The following DBN1 variants were observed in gnomAD, a reference collection of about 807,000 sequenced individuals.
DBN1 encodes the protein drebrin.
DBN1 carries 21 observed loss-of-function variants against 83.5 expected under a neutral mutation model. The ratio of observed to expected loss-of-function variants is 0.25; its 90% CI spans 0.18 to 0.36. The LOEUF is 0.36. Among genes scored for constraint, DBN1 ranks in the 10% least tolerant of loss-of-function variants. The pLI is 1.00. For missense variants in DBN1, 874 were observed against 935.7 expected, an observed-to-expected ratio of 0.93 and a Z score of 0.86; for synonymous variants, 381 against 384.9, an observed-to-expected ratio of 0.99 and a Z score of 0.12.
chr5:177,457,754 TG>T lies in DBN1; in HGVS notation c.1917del (p.Ser640ValfsTer111). The T allele has an allele frequency of 6.2e-7, 1 of 1,602,122 alleles. No homozygotes were observed. Among genetic ancestry groups the T allele is most frequent in the Non-Finnish European group, 8.5e-7 (1 of 1,169,608 alleles). Reference protein sequence around the residue: ...GETTQKEGTQASEGYFSQSQE... With the variant: ...GETTQKEGTQXSEGYFSQSQE... ...TGTGATTGACTGAAGTACCCCTCACTGGCCTGCAGGGGAAAGCATCAGGTCA... is the reference window on the plus strand; with the variant it reads ...TGTGATTGACTGAAGTACCCCTCACTGCCTGCAGGGGAAAGCATCAGGTCA... On this transcript the variant is annotated frameshift_variant and splice_region_variant, in exon 14 of 15. Coordinates refer to ENST00000393565, the MANE Select transcript of DBN1 (RefSeq NM_001363541.2). LOFTEE classifies it high-confidence loss of function.
intron 10 of DBN1, 40 bp downstream of exon 10, chr5:177,460,392 T>G: frequency 6.2e-7 from 1 of 1,612,056 alleles, no homozygotes; most frequent in Non-Finnish European, 8.5e-7. Context: ...GGCCGCAACC[T>G]GAGGAGTGGG....
At chr5:177,457,573 G>T in intron 14 of DBN1, 70 bp from the exon 15 acceptor site, 1 of 1,541,352 alleles carries the variant, frequency 6.5e-7, no homozygotes, top group Non-Finnish European at 9.0e-7. Flanking sequence ...TCTGTGAGCG[G>T]TGGGTAGTGG....
intron 8 of DBN1, among the ~76,000 whole-genome samples, chr5:177,464,150 T>A (rs1000782888): frequency 6.6e-6 from 1 of 150,866 alleles, no homozygotes; most frequent in Non-Finnish European, 1.5e-5. Context: ...AATAAATAAA[T>A]AAATAAACTT....
intron 8 of DBN1, among the ~76,000 whole-genome samples, chr5:177,461,094 CTTTTTTTTTTTT>C (rs1212164434): frequency 1.1e-5 from 1 of 90,692 alleles, no homozygotes; most frequent in African/African-American, 4.5e-5. Context: ...TTCTGGCCTT[CTTTTTTTTTTTT>C]TTTTTTTTTT....
chr5:177,457,949 G>T, intron 13 of DBN1, 109 bp downstream of exon 13: 1 of 1,495,342 alleles, frequency 6.7e-7, no homozygotes, highest in Non-Finnish European at 9.3e-7. Flanking sequence ...CTCAAATAAT[G>T]TGGGTCACAG....
intron 11 of DBN1, 86 bp downstream of exon 11, chr5:177,459,517 G>A: frequency 7.2e-7 from 1 of 1,383,840 alleles, no homozygotes; most frequent in South Asian, 1.5e-5. Context: ...GAGATCAGCG[G>A]TCAGACTGGG....
rs945009320 is a variant in DBN1 at position 177,467,486 on chromosome 5, G to C, written c.472C>G (p.Pro158Ala). ...LRLREDENAEPVGTTYQKTDA... is the reference protein window; with the variant it reads ...LRLREDENAEAVGTTYQKTDA... ...GGTGCCAAACACACACTAACCACGG[G>C]CTCTGCGTTCTCATCCTCTCGCAGC... The change falls in exon 5 of 15, where the codon CCC (proline) becomes GCC (alanine). Residue 158 changes from proline to alanine, a missense_variant. Coordinates refer to ENST00000393565, the MANE Select transcript of DBN1 (RefSeq NM_001363541.2). The surrounding 1 kb of genome is among the most constrained non-coding windows in gnomAD (Gnocchi z 9.1). 1 of 1,594,026 alleles carries C rather than the reference G, an allele frequency of 6.3e-7. No individual in the cohort carries two copies. Among genetic ancestry groups the C allele is most frequent in the African/African-American group, 1.3e-5 (1 of 74,606 alleles).
intron 2 of DBN1, 52 bp downstream of exon 2, chr5:177,468,792 A>C (rs780368114): frequency 8.7e-6 from 11 of 1,259,392 alleles, no homozygotes; most frequent in East Asian, 5.6e-5. Flanking sequence ...GGAAGAAAAC[A>C]ACCAGGAGGA....
chr5:177,458,726 A>G lies in DBN1; in HGVS notation c.1265-19T>C. On this transcript the variant is annotated intron_variant, in intron 12 of 14. Coordinates refer to ENST00000393565, the MANE Select transcript of DBN1 (RefSeq NM_001363541.2). The stretch of plus-strand genomic sequence containing the variant: ...TGGGTCTCTGTCACAGCACAGGCAG[A>G]GGAGATATGTAACCGGCTCCCCTCG... The G allele has an allele frequency of 6.7e-7, 1 of 1,495,916 alleles. No homozygotes were observed. 92.7% of individuals were successfully genotyped at this position (1,495,916 alleles called of 1,614,324 possible). A position where few individuals can be genotyped will look rare whatever the true frequency, so the allele number is the denominator to read the frequency against.
At chr5:177,462,265 G>T in intron 8 of DBN1, 1 of 985,036 alleles carries the variant, frequency 1.0e-6, no homozygotes, top group Non-Finnish European at 1.2e-6. Flanking sequence ...TCAGCACGAC[G>T]CAGTCAGTTC....
intron 1 of DBN1, 83 bp from the exon 2 acceptor site, chr5:177,468,982 G>A (rs1757662517): frequency 6.0e-6 from 5 of 834,806 alleles, no homozygotes; most frequent in Non-Finnish European, 8.5e-6. Context: ...GGAGGGAGAG[G>A]GACATGGAGT....
intron 8 of DBN1, among the ~76,000 whole-genome samples, chr5:177,461,515 C>T (rs902754518): frequency 2.6e-5 from 4 of 152,264 alleles, no homozygotes; most frequent in South Asian, 2.1e-4. Flanking sequence ...CCTCAGGGCC[C>T]TCAGCCACCT....
intron 1 of DBN1, among the ~76,000 whole-genome samples, chr5:177,470,234 G>GC (rs950087498): frequency 3.3e-5 from 5 of 152,158 alleles, no homozygotes; most frequent in African/African-American, 1.2e-4. Flanking sequence ...AGCACAGCTG[G>GC]CCCACCACCT....
At chr5:177,465,709 G>A (rs1224809105) in intron 8 of DBN1, among the ~76,000 whole-genome samples, 1 of 152,048 alleles carries the variant, frequency 6.6e-6, no homozygotes. Context: ...ACAAAAATTA[G>A]CTAGGCATGA....
intron 1 of DBN1, 127 bp downstream of exon 1, chr5:177,473,309 C>T: frequency 2.0e-6 from 1 of 494,426 alleles, no homozygotes; most frequent in Admixed American, 4.6e-5. Flanking sequence ...TCCCGGCCCT[C>T]CCGGCCCGCT....
intron 1 of DBN1, chr5:177,472,255 G>C (rs1043544758): frequency 1.2e-6 from 2 of 1,611,514 alleles, no homozygotes; most frequent in Non-Finnish European, 1.7e-6. Context: ...TCCCCACCTG[G>C]CTGCCCTCCC....
chr5:177,472,869 TC>T (rs1757949369), intron 1 of DBN1: 2 of 985,162 alleles, frequency 2.0e-6, no homozygotes, highest in Non-Finnish European at 1.2e-6. Flanking sequence ...AGCCCAGGTT[TC>T]GGGGGGAGGG....
At position 177,467,986 on chromosome 5, in the gene DBN1, GGCC is replaced by G; in HGVS notation, c.255+119_255+121del. ...GCCTTCAGTTCCCTTCCCCAGCCCC[GGCC>G]GCATACCCAGTTGATGAGCAGCTCT... On this transcript the variant is annotated intron_variant, in intron 3 of 14. Coordinates refer to ENST00000393565, the MANE Select transcript of DBN1 (RefSeq NM_001363541.2). The surrounding 1 kb of genome is among the most constrained non-coding windows in gnomAD (Gnocchi z 9.1). 1.8e-6 allele frequency: 2 copies of G among 1,090,936 alleles called. No homozygotes were observed. The highest frequency in any genetic ancestry group is 1.8e-5 in the Admixed American group (1 of 55,656). The allele number at this position is 1,090,936 out of a possible 1,614,324, so 67.6% of individuals were successfully genotyped here.
chr5:177,467,492 C>G lies in DBN1; in HGVS notation c.466G>C (p.Ala156Pro), dbSNP rs111304515. The change falls in exon 5 of 15, where the codon GCA (alanine) becomes CCA (proline). Residue 156 changes from alanine (A) to proline (P), a missense_variant. Coordinates refer to ENST00000393565, the MANE Select transcript of DBN1 (RefSeq NM_001363541.2). This position sits in a 1 kb window ranked among gnomAD's most constrained non-coding sequence, Gnocchi z 9.1. ...AAACACACACTAACCACGGGCTCTGCGTTCTCATCCTCTCGCAGCCGCAGT... is the reference window on the plus strand; with the variant it reads ...AAACACACACTAACCACGGGCTCTGGGTTCTCATCCTCTCGCAGCCGCAGT... Reference protein sequence around the residue: ...HRLRLREDENAEPVGTTYQKT... With the variant: ...HRLRLREDENPEPVGTTYQKT... 3.1e-6 allele frequency: 5 copies of G among 1,589,300 alleles called. No individual in the cohort carries two copies. The South Asian group carries it at 5.6e-5, about 18-fold the overall frequency.
Sources: gnomAD v4.1 joint callset for allele counts (sites outside exome capture counted in the v4.1 genomes callset) on GRCh38, gnomAD v4.1.1 for gene constraint, Gnocchi (gnomAD v3.1) non-coding constraint, MANE v1.5 for transcripts, NCBI Gene and HGNC (gene_info 2026-07-23, HGNC 2026-07-21) for gene names.